PAPLN: variants seen among roughly 807,000 people sequenced by gnomAD.
PAPLN encodes papilin.
A neutral mutation model predicts 159.0 loss-of-function variants in PAPLN; 146 were observed. That is an observed-to-expected ratio of 0.92 (90% CI 0.80 to 1.05). The LOEUF is 1.05. Ranked by LOEUF, PAPLN falls within the 50% of genes least tolerant of loss-of-function variation. The pLI is 0.00. For synonymous variants in PAPLN, 734 were observed against 702.9 expected (o/e 1.04, Z -0.70); for missense variants, 1,720 against 1,743.9 (o/e 0.99, Z 0.24).
rs553629942 is a variant in PAPLN at position 73,262,607 on chromosome 14, G to C, written c.2503G>C (p.Glu835Gln). ...TGGTGGCGGCAGCAGTCCTGCAGGCGAGCAGGAACCCAGCCAGCACAGGAC... is the reference window on the plus strand; with the variant it reads ...TGGTGGCGGCAGCAGTCCTGCAGGCCAGCAGGAACCCAGCCAGCACAGGAC... The part of the protein sequence containing the change: ...TDGGGSSPAG[E>Q]QEPSQHRTGA... Residue 835 changes from glutamate (E) to glutamine (Q), a missense_variant, in exon 19 of 27, where the codon GAG (glutamate) becomes CAG (glutamine). Glu to Gln is a conservative substitution (Grantham distance 29). Transcript: ENST00000644200. 1.9e-6 allele frequency: 3 copies of C among 1,553,108 alleles called. No homozygotes were observed. Among genetic ancestry groups the C allele is most frequent in the Non-Finnish European group, 2.6e-6 (3 of 1,146,794 alleles).
chr14:73,272,955 T>G lies in PAPLN; in HGVS notation c.*291T>G, dbSNP rs1594844013. On this transcript the variant is annotated 3_prime_UTR_variant, in exon 27 of 27. Coordinates refer to ENST00000644200, the MANE Select transcript of PAPLN (RefSeq NM_001365906.3). The stretch of plus-strand genomic sequence containing the variant: ...TTACTTTACAGCTTCCCTTTATAAT[T>G]TGTTACACAGGAATAGTTAAATGCA... 3.7e-6 allele frequency: 1 copy of G among 270,346 alleles called. No homozygotes were observed. The highest frequency in any genetic ancestry group is 6.9e-6 in the Non-Finnish European group (1 of 145,448). 16.7% of individuals were successfully genotyped at this position (270,346 alleles called of 1,614,324 possible).
intron 26 of PAPLN, among the ~76,000 whole-genome samples, chr14:73,270,783 G>T (rs1016629470): frequency 6.6e-6 from 1 of 152,166 alleles, no homozygotes; most frequent in African/African-American, 2.4e-5. Flanking sequence ...GTCCCAGATG[G>T]GACAGACATG....
At chr14:73,267,745 T>C (rs893872276) in intron 25 of PAPLN, among the ~76,000 whole-genome samples, 2 of 152,174 alleles carry the variant, frequency 1.3e-5, no homozygotes, top group African/African-American at 4.8e-5. Flanking sequence ...GTGTGCTCAG[T>C]CCAGCCATCC....
intron 18 of PAPLN, 69 bp from the exon 19 acceptor site, chr14:73,262,281 T>G: frequency 5.5e-6 from 8 of 1,442,628 alleles, no homozygotes; most frequent in Non-Finnish European, 7.6e-6. Flanking sequence ...AGTCGGAGGC[T>G]GAGAGGATGG....
chr14:73,263,818 T>C, intron 20 of PAPLN, 36 bp downstream of exon 20: 1 of 1,570,286 alleles, frequency 6.4e-7, no homozygotes, highest in Admixed American at 1.7e-5. Flanking sequence ...CTGACAGGTG[T>C]GACAGCCCCC....
Position 73,245,986 on chromosome 14 carries a change from C to CGA in PAPLN, c.232-87_232-86insGA. 7.5e-7 allele frequency: 1 copy of CGA among 1,324,818 alleles called. No individual in the cohort carries two copies. Among genetic ancestry groups the CGA allele is most frequent in the Admixed American group, 2.7e-5 (1 of 36,950 alleles). The allele number at this position is 1,324,818 out of a possible 1,614,324, so 82.1% of individuals were successfully genotyped here. A position where few individuals can be genotyped will look rare whatever the true frequency, so the allele number is the denominator to read the frequency against. On this transcript the variant is annotated intron_variant, in intron 4 of 26. Transcript: ENST00000644200. The surrounding 1 kb of genome is among the most constrained non-coding windows in gnomAD (Gnocchi z 4.2). The stretch of plus-strand genomic sequence containing the variant: ...CCGATGGGGCAGGCAAGGGAGACTC[C>CGA]TGGGCTCCCTGGGCTCGGGCGGGGC...
intron 3 of PAPLN, chr14:73,244,965 G>T (rs2280794): frequency 0.15 from 68,507 of 467,950 alleles, 5,769 homozygotes; most frequent in Middle Eastern, 0.21. Flanking sequence ...GCTGGAGCAC[G>T]CGTGCTGCCT....
intron 6 of PAPLN, 24 bp downstream of exon 6, chr14:73,250,138 C>A: frequency 6.3e-7 from 1 of 1,588,234 alleles, no homozygotes; most frequent in Non-Finnish European, 8.6e-7. Context: ...CAGCCCCTCC[C>A]TGCCTCCGGG....
chr14:73,250,022 G>T lies in PAPLN; in HGVS notation c.373G>T (p.Glu125Ter), dbSNP rs1305879414. ...TGAACTGAACTGCATTCCCAAGGGG[G>T]AGAACTTCTACTACAAGCACAGGGA... ...KCELNCIPKG[E>*]NFYYKHREAV... Residue 125 changes from glutamate to a stop codon, truncating the protein, a stop_gained, in exon 6 of 27, where the codon GAG (glutamate) becomes TAG (stop). Transcript: ENST00000644200. LOFTEE classifies it high-confidence loss of function. 2 of 1,612,970 alleles carry T rather than the reference G, an allele frequency of 1.2e-6. No individual in the cohort carries two copies. Among genetic ancestry groups the T allele is most frequent in the African/African-American group, 1.3e-5 (1 of 74,856 alleles).
chr14:73,254,382 TG>T, intron 12 of PAPLN, 130 bp from the exon 13 acceptor site: 2 of 1,153,292 alleles, frequency 1.7e-6, no homozygotes, highest in Non-Finnish European at 2.5e-6. Context: ...TCAGCCTCTC[TG>T]GGCCTGGGAA....
chr14:73,260,958 T>C, intron 17 of PAPLN, 129 bp downstream of exon 17: 1 of 1,418,266 alleles, frequency 7.1e-7, no homozygotes, highest in South Asian at 1.5e-5. Context: ...CTGGCCTGGG[T>C]CATCCTCTGG....
In PAPLN at chr14:73,265,617, G is replaced by A; in HGVS notation, c.3263+110G>A. ...AGCGCATGGTCATGGCCAGTCCTGA[G>A]CCGGACTCCAGGGCCTCTTGAGAGA... On this transcript the variant is annotated intron_variant, in intron 23 of 26. Transcript: ENST00000644200. The surrounding 1 kb of genome is among the most constrained non-coding windows in gnomAD (Gnocchi z 4.1). 6.8e-7 allele frequency: 1 copy of A among 1,479,312 alleles called. No individual in the cohort carries two copies. Among genetic ancestry groups the A allele is most frequent in the Non-Finnish European group, 9.1e-7 (1 of 1,102,106 alleles). 91.6% of individuals were successfully genotyped at this position (1,479,312 alleles called of 1,614,324 possible).
At chr14:73,238,574 C>T (rs1369149378) in intron 1 of PAPLN, among the ~76,000 whole-genome samples, 8 of 152,248 alleles carry the variant, frequency 5.3e-5, no homozygotes, top group Non-Finnish European at 4.4e-5. Flanking sequence ...TCCTCAGCCT[C>T]GCCCGCCCTA....
At chr14:73,251,453 C>T in intron 7 of PAPLN, 33 bp from the exon 8 acceptor site, 1 of 1,589,638 alleles carries the variant, frequency 6.3e-7, no homozygotes, top group Non-Finnish European at 8.5e-7. Flanking sequence ...AGGGATAGCC[C>T]AGCACACCCA....
intron 16 of PAPLN, 102 bp from the exon 17 acceptor site, chr14:73,260,607 C>A: frequency 7.5e-7 from 1 of 1,336,570 alleles, no homozygotes; most frequent in South Asian, 2.5e-5. Context: ...CAGGTCCCCA[C>A]CCTGTCAGCC....
Position 73,251,065 on chromosome 14 carries a change from CCCCTTCCTTGCCTGT to C in PAPLN, c.589+55_589+69del, listed in dbSNP as rs140622859. The C allele has an allele frequency of 7.5e-3, 11,975 of 1,591,002 alleles. 205 individuals carry two copies. The highest frequency in any genetic ancestry group is 0.069 in the African/African-American group (5,116 of 74,662). The stretch of plus-strand genomic sequence containing the variant: ...GTTCCGACAAGGGGCAGTTGCCTGC[CCCCTTCCTTGCCTGT>C]CCCTTCCTTGCCTGTCCCTGCTCTG... On this transcript the variant is annotated intron_variant, in intron 7 of 26. Coordinates refer to ENST00000644200, the MANE Select transcript of PAPLN (RefSeq NM_001365906.3).
chr14:73,266,656 G>T, intron 24 of PAPLN, 28 bp downstream of exon 24: 1 of 1,614,160 alleles, frequency 6.2e-7, no homozygotes, highest in Non-Finnish European at 8.5e-7. Context: ...AGTGGCCTTT[G>T]AGGTCAGGTG....
At chr14:73,238,251 C>T (rs1033587374) in intron 1 of PAPLN, among the ~76,000 whole-genome samples, 2 of 152,236 alleles carry the variant, frequency 1.3e-5, no homozygotes, top group African/African-American at 4.8e-5. Context: ...TCGCCGCCTT[C>T]GGCCCTAGCT....
chr14:73,252,010 C>A lies in PAPLN; in HGVS notation c.844-8C>A. On this transcript the variant is annotated splice_region_variant and splice_polypyrimidine_tract_variant and intron_variant, in intron 9 of 26. Coordinates refer to ENST00000644200, the MANE Select transcript of PAPLN (RefSeq NM_001365906.3). Reference sequence around the variant, plus strand: ...CAGCAGACCCCAACAAGGACTCTCCCGTGACAGCTCATCAGCCAGGAGCCC... The same window carrying A: ...CAGCAGACCCCAACAAGGACTCTCCAGTGACAGCTCATCAGCCAGGAGCCC... The A allele has an allele frequency of 6.2e-7, 1 of 1,602,938 alleles. No individual in the cohort carries two copies.
Sources: allele counts gnomAD v4.1 joint callset (sites outside exome capture counted in the v4.1 genomes callset), GRCh38; gene constraint gnomAD v4.1.1; non-coding constraint Gnocchi (gnomAD v3.1); transcripts MANE v1.5; gene names NCBI Gene and HGNC (gene_info 2026-07-23, HGNC 2026-07-21).